Variants in CDH2 observed in about 807,000 individuals in gnomAD.
CDH2 encodes cadherin 2.
Under a neutral mutation model 92.0 loss-of-function variants are expected in CDH2, and 17 were observed. The ratio of observed to expected loss-of-function variants is 0.18; its 90% CI spans 0.13 to 0.28. The LOEUF is 0.28. CDH2 is among the 10% of genes least tolerant of loss of function. The pLI is 1.00. For missense variants in CDH2, 862 were observed against 1,133.1 expected (o/e 0.76, Z 3.44); for synonymous variants, 419 against 415.9 (o/e 1.01, Z -0.09).
intron 2 of CDH2, among the ~76,000 whole-genome samples, chr18:28,133,785 CA>C (rs1228819319): frequency 1.3e-5 from 2 of 152,114 alleles, no homozygotes; most frequent in East Asian, 3.9e-4. Flanking sequence ...TGTGCCTAAT[CA>C]ACTGCTGGCC....
chr18:28,057,283 G>T (rs1489240346), intron 2 of CDH2, among the ~76,000 whole-genome samples: 2 of 152,156 alleles, frequency 1.3e-5, no homozygotes, highest in Non-Finnish European at 1.5e-5. Flanking sequence ...AGCAGAACAA[G>T]AATTATTTAA....
chr18:28,027,952 C>T (rs1433802123), intron 2 of CDH2, among the ~76,000 whole-genome samples: 1 of 151,616 alleles, frequency 6.6e-6, no homozygotes, highest in Admixed American at 6.6e-5. Context: ...GCTCCCTTTT[C>T]CCAACTGTAT....
chr18:28,133,841 T>C (rs1328274555), intron 2 of CDH2, among the ~76,000 whole-genome samples: 1 of 152,044 alleles, frequency 6.6e-6, no homozygotes, highest in Non-Finnish European at 1.5e-5. Flanking sequence ...ATGGCTACAT[T>C]TGTCTTCTAT....
At chr18:28,173,049 C>T (rs1231018001) in intron 1 of CDH2, among the ~76,000 whole-genome samples, 2 of 152,092 alleles carry the variant, frequency 1.3e-5, no homozygotes, top group Non-Finnish European at 2.9e-5. Context: ...CAGTTTGGTG[C>T]TCTATACCAT....
At position 28,029,420 on chromosome 18, in the gene CDH2, C is replaced by CA. The variant is rs564750195; in HGVS notation, c.173-15512dup. On this transcript the variant is annotated intron_variant, in intron 2 of 15. Transcript: ENST00000269141. Reference sequence around the variant, plus strand: ...CTTACTAAATTTTTATTAGTGTCCACAACTGCAGTCATGTCAAAATGCCAT... The same window carrying CA: ...CTTACTAAATTTTTATTAGTGTCCACAAACTGCAGTCATGTCAAAATGCCAT... Among the ~76,000 whole-genome samples the CA allele has an allele frequency of 2.5e-3, 382 of 151,846 alleles. 3 individuals carry two copies. Among genetic ancestry groups the CA allele is most frequent in the African/African-American group, 8.8e-3 (366 of 41,430 alleles).
intron 2 of CDH2, among the ~76,000 whole-genome samples, chr18:28,058,961 A>C: frequency 6.6e-6 from 1 of 152,176 alleles, no homozygotes; most frequent in South Asian, 2.1e-4. Context: ...TTTGGTTAAA[A>C]CAGGTGAACT....
At chr18:27,978,262 T>G (rs1335216727) in intron 14 of CDH2, among the ~76,000 whole-genome samples, 2 of 151,752 alleles carry the variant, frequency 1.3e-5, no homozygotes, top group Non-Finnish European at 2.9e-5. Context: ...AAACAAACTT[T>G]GCAGAATATA....
intron 6 of CDH2, among the ~76,000 whole-genome samples, chr18:27,941,032 C>T (rs970657364): frequency 1.4e-5 from 2 of 141,976 alleles, no homozygotes; most frequent in African/African-American, 5.1e-5. Context: ...CTAAGTAGCA[C>T]CTTTTTTTTT....
intron 2 of CDH2, among the ~76,000 whole-genome samples, chr18:28,039,926 A>G (rs1027067785): frequency 3.9e-5 from 6 of 152,224 alleles, no homozygotes; most frequent in African/African-American, 1.4e-4. Context: ...CCTTTTAACT[A>G]TATGCTGATG....
chr18:28,043,472 AT>A (rs1370025722), intron 2 of CDH2, among the ~76,000 whole-genome samples: 11 of 66,298 alleles, frequency 1.7e-4, no homozygotes, highest in Non-Finnish European at 2.6e-4. Context: ...ATATATATAT[AT>A]ATATATATAT....
chr18:28,114,743 T>C (rs185166089), intron 2 of CDH2, among the ~76,000 whole-genome samples: 7 of 152,214 alleles, frequency 4.6e-5, no homozygotes, highest in Admixed American at 2.0e-4. Flanking sequence ...ATTTTAGTTA[T>C]AGGGCTTCTA....
chr18:27,942,167 A>G (rs781668913), intron 6 of CDH2, among the ~76,000 whole-genome samples: 7 of 152,242 alleles, frequency 4.6e-5, no homozygotes, highest in Non-Finnish European at 1.0e-4. Context: ...AAGAATATGT[A>G]TGTTAGAATT....
At chr18:27,947,646 G>A (rs1302631051), downstream of CDH2, among the ~76,000 whole-genome samples, 1 of 151,682 alleles carries the variant, frequency 6.6e-6, no homozygotes, top group Non-Finnish European at 1.5e-5. Context: ...TGTGATGTAA[G>A]TATGTGATAT....
chr18:28,166,148 T>TTATATATA (rs1568024338), intron 1 of CDH2, among the ~76,000 whole-genome samples: 1 of 19,774 alleles, frequency 5.1e-5, no homozygotes, highest in African/African-American at 2.4e-4. Context: ...TCAGACACAC[T>TTATATATA]CATATATATA....
At chr18:28,073,547 G>T (rs187275835) in intron 2 of CDH2, among the ~76,000 whole-genome samples, 193 of 152,206 alleles carry the variant, frequency 1.3e-3, no homozygotes, top group African/African-American at 4.6e-3. Flanking sequence ...CTTAAGGTGG[G>T]GGGATAGTGT....
intron 2 of CDH2, among the ~76,000 whole-genome samples, chr18:28,076,225 C>CTATTT (rs1161299243): frequency 6.6e-6 from 1 of 152,162 alleles, no homozygotes; most frequent in Non-Finnish European, 1.5e-5. Flanking sequence ...AGACCAATTA[C>CTATTT]TATTTTATTT....
intron 2 of CDH2, among the ~76,000 whole-genome samples, chr18:28,134,135 C>CAAAAAAAAA (rs34083301): frequency 5.5e-5 from 5 of 91,596 alleles, no homozygotes; most frequent in African/African-American, 8.7e-5. Context: ...ACTAAATTTA[C>CAAAAAAAAA]AAAAAAAAAA....
At chr18:28,174,679 C>CT (rs1421096373) in intron 1 of CDH2, among the ~76,000 whole-genome samples, 1 of 152,142 alleles carries the variant, frequency 6.6e-6, no homozygotes, top group East Asian at 1.9e-4. Flanking sequence ...AAATTCACAC[C>CT]TGACTTCAAG....
In CDH2 at chr18:28,003,057, C is replaced by T; in HGVS notation, c.960G>A (p.Met320Ile). ...CACCAGTCTCATTGTTGATTGTAAA[C>T]ATGTTGGGTGAAGGGGTGCTTGGAG... is the stretch of plus-strand genomic sequence containing the variant. ...SQAPSTPSPN[M>I]FTINNETGDI... The change falls in exon 7 of 16, where the codon ATG becomes ATA. Residue 320 changes from methionine (M) to isoleucine (I), a missense_variant. This residue lies in a region of CDH2 where 564 missense variants were observed against 722.2 expected (regional missense o/e 0.78). Coordinates refer to ENST00000269141, the MANE Select transcript of CDH2 (RefSeq NM_001792.5). 1.2e-6 allele frequency: 2 copies of T among 1,614,058 alleles called. No homozygotes were observed. Among genetic ancestry groups the T allele is most frequent in the Non-Finnish European group, 1.7e-6 (2 of 1,179,974 alleles).
Sources: gnomAD v4.1 joint callset for allele counts (sites outside exome capture counted in the v4.1 genomes callset) on GRCh38, gnomAD v4.1.1 for gene constraint, gnomAD v4.1.1 regional missense constraint, MANE v1.5 for transcripts, NCBI Gene and HGNC (gene_info 2026-07-23, HGNC 2026-07-21) for gene names.